CHODL: variants seen among roughly 807,000 people sequenced by gnomAD.
CHODL encodes transmembrane protein MT75.
In CHODL, 29 loss-of-function variants were observed where a neutral mutation model predicts 34.5. The observed-to-expected ratio is 0.84, with a 90% CI of 0.63 to 1.15. CHODL has a LOEUF of 1.15. Ranked by LOEUF, CHODL falls within the 50% of genes most tolerant of loss-of-function variation. The pLI is 0.00. For synonymous variants in CHODL, 125 were observed against 116.1 expected, an observed-to-expected ratio of 1.08 and a Z score of -0.49; for missense variants, 332 against 332.5, an observed-to-expected ratio of 1.00 and a Z score of 0.01.
chr21:18,079,721 G>A (rs1237450202), intron 2 of CHODL, among the ~76,000 whole-genome samples: 1 of 137,342 alleles, frequency 7.3e-6, no homozygotes, highest in Non-Finnish European at 1.7e-5. Context: ...AACCATACAA[G>A]GGCAGGTATC....
chr21:18,148,115 A>G (rs1397149721), intron 2 of CHODL, among the ~76,000 whole-genome samples: 1 of 152,188 alleles, frequency 6.6e-6, no homozygotes, highest in South Asian at 2.1e-4. Context: ...GATAATAGCA[A>G]TGATTTGTGT....
At chr21:17,973,236 G>T (rs1370600216) in intron 1 of CHODL, among the ~76,000 whole-genome samples, 2 of 152,090 alleles carry the variant, frequency 1.3e-5, no homozygotes, top group East Asian at 3.8e-4. Context: ...CATGGGGAAA[G>T]ACTTCATGAC....
chr21:18,241,582 T>C (rs985590090), upstream of CHODL, among the ~76,000 whole-genome samples: 7 of 151,984 alleles, frequency 4.6e-5, no homozygotes, highest in African/African-American at 1.7e-4. Context: ...CTGTATGGAG[T>C]TGCCCATGTG....
intron 2 of CHODL, among the ~76,000 whole-genome samples, chr21:18,073,758 G>A (rs994305052): frequency 1.3e-5 from 2 of 151,732 alleles, no homozygotes; most frequent in African/African-American, 4.8e-5. Flanking sequence ...CCCAATCTCA[G>A]ACACCTCAAA....
At chr21:18,019,499 A>G (rs546669806) in intron 1 of CHODL, among the ~76,000 whole-genome samples, 2 of 152,168 alleles carry the variant, frequency 1.3e-5, no homozygotes, top group Non-Finnish European at 2.9e-5. Flanking sequence ...CAAAGAAAGG[A>G]TAAATGCTTA....
chr21:17,942,496 G>A (rs567219140), intron 1 of CHODL, among the ~76,000 whole-genome samples: 2 of 152,294 alleles, frequency 1.3e-5, no homozygotes, highest in South Asian at 4.1e-4. Context: ...ATGGAACTGT[G>A]AGTCCATTAA....
chr21:18,134,538 T>C (rs966145833), intron 2 of CHODL, among the ~76,000 whole-genome samples: 6 of 152,220 alleles, frequency 3.9e-5, no homozygotes, highest in Non-Finnish European at 5.9e-5. Flanking sequence ...GCTCTCAGAA[T>C]GTTAGTACGT....
At chr21:18,095,238 A>T (rs1272625389) in intron 2 of CHODL, among the ~76,000 whole-genome samples, 3 of 152,280 alleles carry the variant, frequency 2.0e-5, no homozygotes, top group African/African-American at 4.8e-5. Flanking sequence ...TGAAAGTTAA[A>T]CAAAATTGAC....
chr21:18,081,704 G>GA (rs376722385), intron 2 of CHODL, among the ~76,000 whole-genome samples: 53,325 of 148,072 alleles, frequency 0.36, 11,608 homozygotes, highest in Non-Finnish European at 0.51. Flanking sequence ...AAAAAAAAGA[G>GA]GGTGAAAGTG....
intron 1 of CHODL, among the ~76,000 whole-genome samples, chr21:18,004,845 AC>A (rs1301410813): frequency 6.6e-6 from 1 of 150,808 alleles, no homozygotes; most frequent in Non-Finnish European, 1.5e-5. Context: ...AAAAAAAAAA[AC>A]AACAACAGTT....
At chr21:17,962,688 A>C (rs919611760) in intron 1 of CHODL, among the ~76,000 whole-genome samples, 4 of 152,242 alleles carry the variant, frequency 2.6e-5, no homozygotes, top group Non-Finnish European at 5.9e-5. Context: ...TTTTCCCTAC[A>C]ATATAAAAGG....
At chr21:17,985,036 A>C (rs201258244) in intron 1 of CHODL, among the ~76,000 whole-genome samples, 2 of 152,094 alleles carry the variant, frequency 1.3e-5, no homozygotes, top group Non-Finnish European at 2.9e-5. Flanking sequence ...CGTTGTCACA[A>C]ATTTCCAGGT....
intron 2 of CHODL, among the ~76,000 whole-genome samples, chr21:18,050,967 T>C (rs894302627): frequency 1.3e-5 from 2 of 151,576 alleles, no homozygotes; most frequent in Non-Finnish European, 2.9e-5. Flanking sequence ...CTGGGGTACA[T>C]GTGCAGAACG....
At chr21:18,000,470 C>G (rs1157888511) in intron 1 of CHODL, among the ~76,000 whole-genome samples, 1 of 152,162 alleles carries the variant, frequency 6.6e-6, no homozygotes, top group Non-Finnish European at 1.5e-5. Flanking sequence ...CCTGTATGAG[C>G]TTTGATGACG....
intron 2 of CHODL, among the ~76,000 whole-genome samples, chr21:18,055,884 T>C (rs2064573904): frequency 6.6e-6 from 1 of 152,034 alleles, no homozygotes; most frequent in African/African-American, 2.4e-5. Flanking sequence ...ATTCTATCCT[T>C]AGGTTAAAAA....
intron 2 of CHODL, among the ~76,000 whole-genome samples, chr21:18,094,045 A>G (rs2065108022): frequency 6.6e-6 from 1 of 152,180 alleles, no homozygotes; most frequent in African/African-American, 2.4e-5. Flanking sequence ...TTCTATTCCA[A>G]TGGAAACAAA....
In CHODL at chr21:17,945,606, A is replaced by G. The variant is rs915830159; in HGVS notation, c.-145+28206A>G. On this transcript the variant is annotated intron_variant, in intron 1 of 6. Transcript: ENST00000400127. ...GACAAAAGTCTATGGGAATTATGGA[A>G]TTCAATCAAGAAACTAAACCTTTCA... Among the ~76,000 whole-genome samples the G allele has an allele frequency of 2.0e-5, 3 of 152,204 alleles. No homozygotes were observed. In the East Asian group the frequency reaches 5.8e-4, roughly 29 times the overall value.
chr21:18,173,677 A>C (rs1381652579), intron 2 of CHODL, among the ~76,000 whole-genome samples: 1 of 152,002 alleles, frequency 6.6e-6, no homozygotes, highest in African/African-American at 2.4e-5. Flanking sequence ...CAATAATCAA[A>C]AGTCTATGCT....
At chr21:18,242,975 C>G (rs1433348182), upstream of CHODL, among the ~76,000 whole-genome samples, 1 of 152,056 alleles carries the variant, frequency 6.6e-6, no homozygotes, top group Admixed American at 6.6e-5. Flanking sequence ...CAAAGAAGGA[C>G]CTGTTTACAG....
Sources: allele counts gnomAD v4.1 joint callset (sites outside exome capture counted in the v4.1 genomes callset), GRCh38; gene constraint gnomAD v4.1.1; transcripts MANE v1.5; gene names NCBI Gene and HGNC (gene_info 2026-07-23, HGNC 2026-07-21).